The following FRMPD3 variants were observed in gnomAD, a reference collection of about 807,000 sequenced individuals.
The protein encoded by FRMPD3 is FERM and PDZ domain containing 3.
In FRMPD3, 42 loss-of-function variants were observed where a neutral mutation model predicts 97.9. The observed-to-expected ratio is 0.43, with a 90% CI of 0.34 to 0.55. FRMPD3 has a LOEUF of 0.55. FRMPD3 is among the 20% of genes least tolerant of loss of function. The pLI, the probability that FRMPD3 is intolerant of heterozygous loss-of-function variation, is 0.03. For synonymous variants in FRMPD3, 577 were observed against 581.1 expected (o/e 0.99, Z 0.10); for missense variants, 1,303 against 1,457.7 (o/e 0.89, Z 1.73).
chrX:107,569,396 A>G lies in FRMPD3; in HGVS notation c.1296+4330A>G, dbSNP rs772387331. Among the ~76,000 whole-genome samples the G allele has an allele frequency of 6.3e-5, 7 of 110,381 alleles. No homozygotes were observed. The East Asian group carries it at 1.7e-3, about 27-fold the overall frequency. ...TGTTAGGGGAGTACAGGGAAGGACA[A>G]AATTCTGGCTGGGGGTATTAAGGAA... On this transcript the variant is annotated intron_variant, in intron 12 of 14. Coordinates refer to ENST00000683843, the MANE Select transcript of FRMPD3 (RefSeq NM_001388459.1).
rs146243084 is a variant in FRMPD3 at position 107,591,108 on chromosome X, C to G, written c.1442-6213C>G. Among the ~76,000 whole-genome samples, 214 of 110,192 alleles carry G rather than the reference C, an allele frequency of 1.9e-3. 3 individuals carry two copies. Among genetic ancestry groups the G allele is most frequent in the African/African-American group, 6.8e-3 (207 of 30,440 alleles). On this transcript the variant is annotated intron_variant, in intron 13 of 14. Transcript: ENST00000683843. ...GATACTGTCTATTCAGATTTTCTATCTTCTTGAATCAGTTTTGGCAAATTG... is the reference window on the plus strand; with the variant it reads ...GATACTGTCTATTCAGATTTTCTATGTTCTTGAATCAGTTTTGGCAAATTG...
At chrX:107,588,224 G>T (rs1328408564) in intron 13 of FRMPD3, among the ~76,000 whole-genome samples, 1 of 109,526 alleles carries the variant, frequency 9.1e-6, no homozygotes, top group African/African-American at 3.3e-5. Flanking sequence ...CGGAGAATCT[G>T]ATGATTATGT....
chrX:107,533,688 T>C lies in FRMPD3; in HGVS notation c.297+138T>C. The C allele has an allele frequency of 5.6e-6, 3 of 531,307 alleles. No individual in the cohort carries two copies. The South Asian group carries it at 8.9e-5, about 16-fold the overall frequency. The allele number at this position is 531,307 out of a possible 1,213,427, so 43.8% of individuals were successfully genotyped here. ...TGAGCCAAGGATTTAGGAGTGAACT[T>C]AAAGAATACCTTCTGAACAGCATGT... is the stretch of plus-strand genomic sequence containing the variant. On this transcript the variant is annotated intron_variant, in intron 4 of 14. Transcript: ENST00000683843.
rs1360550884 is a variant in FRMPD3 at position 107,480,887 on chromosome X, GGAAGGAAGGAAAGAAAGAAA to G, written c.-8+30886_-8+30905del. On this transcript the variant is annotated intron_variant, in intron 1 of 14. Coordinates refer to ENST00000683843, the MANE Select transcript of FRMPD3 (RefSeq NM_001388459.1). ...AGAAAGAAAGGAAGGAAGGAAGGAA[GGAAGGAAGGAAAGAAAGAAA>G]GAAAGAAAGAAAGAAAGAAAGAAAG... 8.8e-4 allele frequency among the ~76,000 whole-genome samples: 54 copies of G among 61,361 alleles called. 1 individual carries two copies. Among genetic ancestry groups the G allele is most frequent in the East Asian group, 3.9e-3 (7 of 1,773 alleles). 53.3% of individuals were successfully genotyped at this position (61,361 alleles called of 115,157 possible).
intron 1 of FRMPD3, among the ~76,000 whole-genome samples, chrX:107,523,212 G>T (rs991222308): frequency 9.0e-6 from 1 of 111,113 alleles, no homozygotes; most frequent in African/African-American, 3.3e-5. Flanking sequence ...TTGTAAAATG[G>T]CCTTCTGGTC....
intron 1 of FRMPD3, among the ~76,000 whole-genome samples, chrX:107,460,606 G>A (rs145925564): frequency 0.01 from 1,160 of 110,877 alleles, 2 homozygotes; most frequent in Middle Eastern, 0.028. Flanking sequence ...TGCCCAGGCT[G>A]GTCTTGAACT....
At chrX:107,531,848 G>A (rs950427085) in intron 3 of FRMPD3, among the ~76,000 whole-genome samples, 3 of 111,740 alleles carry the variant, frequency 2.7e-5, no homozygotes, top group Non-Finnish European at 5.6e-5. Flanking sequence ...TTGCCCTCTA[G>A]AACAAGGTAT....
rs376134061 is a variant in FRMPD3 at position 107,602,409 on chromosome X, C to T, written c.4370C>T (p.Ala1457Val). 5.8e-6 allele frequency: 7 copies of T among 1,208,519 alleles called. No homozygotes were observed. Among genetic ancestry groups the T allele is most frequent in the Middle Eastern group, 2.3e-4 (1 of 4,371 alleles). Residue 1457 changes from alanine to valine, a missense_variant, in exon 15 of 15, where the codon GCC becomes GTC. This residue lies in a region of FRMPD3 where 764 missense variants were observed against 820.2 expected (regional missense o/e 0.93). Coordinates refer to ENST00000683843, the MANE Select transcript of FRMPD3 (RefSeq NM_001388459.1). Reference sequence around the variant, plus strand: ...GGAGACCCCTCCTACGTCCAGGTTGCCCCAGAGACCAAAGGCCCCAGACAG... The same window carrying T: ...GGAGACCCCTCCTACGTCCAGGTTGTCCCAGAGACCAAAGGCCCCAGACAG... ...TLGDPSYVQV[A>V]PETKGPRQMA...
chrX:107,539,645 T>C (rs1921199677), intron 4 of FRMPD3, among the ~76,000 whole-genome samples: 1 of 111,229 alleles, frequency 9.0e-6, no homozygotes. Flanking sequence ...CTACAGAGCT[T>C]CCTGACGTAT....
At chrX:107,534,710 C>T (rs1206651623) in intron 4 of FRMPD3, among the ~76,000 whole-genome samples, 1 of 111,618 alleles carries the variant, frequency 9.0e-6, no homozygotes, top group Non-Finnish European at 1.9e-5. Context: ...CACACTGACA[C>T]ACACACACAA....
chrX:107,533,847 A>T (rs1189844989), intron 4 of FRMPD3, among the ~76,000 whole-genome samples: 3 of 112,047 alleles, frequency 2.7e-5, no homozygotes, highest in Non-Finnish European at 5.6e-5. Flanking sequence ...TTTTGGCTGT[A>T]CTCCATTAAA....
Position 107,595,797 on chromosome X carries a change from G to A in FRMPD3, c.1442-1524G>A, listed in dbSNP as rs141592426. On this transcript the variant is annotated intron_variant, in intron 13 of 14. Coordinates refer to ENST00000683843, the MANE Select transcript of FRMPD3 (RefSeq NM_001388459.1). ...ACCAAAAACACAAAAAATTAGTCGG[G>A]CGTGGTGGCAGGCGCCTGTAATCCT... is the stretch of plus-strand genomic sequence containing the variant. Among the ~76,000 whole-genome samples, 269 of 109,844 alleles carry A rather than the reference G, an allele frequency of 2.4e-3. 1 individual carries two copies. Among genetic ancestry groups the A allele is most frequent in the African/African-American group, 8.4e-3 (253 of 30,185 alleles).
intron 1 of FRMPD3, among the ~76,000 whole-genome samples, chrX:107,478,375 C>T (rs1217149361): frequency 4.5e-5 from 5 of 111,130 alleles, no homozygotes; most frequent in Non-Finnish European, 9.4e-5. Context: ...GTGACTTTTC[C>T]AAGATAACAC....
intron 1 of FRMPD3, among the ~76,000 whole-genome samples, chrX:107,467,297 G>C (rs1477275998): frequency 9.1e-6 from 1 of 110,205 alleles, no homozygotes; most frequent in East Asian, 2.9e-4. Context: ...GTGAGTGTGA[G>C]TGTGTGTGTG....
At position 107,602,029 on chromosome X, in the gene FRMPD3, T is replaced by TAGCCAGAGGC. The variant is rs753893212; in HGVS notation, c.4001_4010dup (p.Gly1338AlafsTer33). 8.5e-7 allele frequency: 1 copy of TAGCCAGAGGC among 1,179,823 alleles called. No individual in the cohort carries two copies. Among genetic ancestry groups the TAGCCAGAGGC allele is most frequent in the African/African-American group, 1.8e-5 (1 of 56,538 alleles). ...GGAGGGAAAGGGACAGAGTCCTCCC[T>TAGCCAGAGGC]AGCCAGAGGCAGCCAGAGGCTGGCC... On this transcript the variant is annotated frameshift_variant, in exon 15 of 15. Transcript: ENST00000683843. LOFTEE classifies it high-confidence loss of function.
At chrX:107,581,870 A>G (rs1923406556) in intron 13 of FRMPD3, among the ~76,000 whole-genome samples, 1 of 112,256 alleles carries the variant, frequency 8.9e-6, no homozygotes, top group African/African-American at 3.2e-5. Flanking sequence ...ATTCTATTGT[A>G]TGGATATACC....
chrX:107,560,118 G>A (rs1411398905), intron 8 of FRMPD3, 139 bp from the exon 9 acceptor site: 2 of 701,161 alleles, frequency 2.9e-6, no homozygotes, highest in Non-Finnish European at 4.2e-6. Context: ...CTTCTCCAAG[G>A]GGAGCTCCTT....
At chrX:107,563,953 C>T (rs1292893233) in intron 11 of FRMPD3, among the ~76,000 whole-genome samples, 1 of 112,297 alleles carries the variant, frequency 8.9e-6, no homozygotes, top group Non-Finnish European at 1.9e-5. Context: ...ATTCAAATCA[C>T]CTTGCTAATT....
chrX:107,481,018 C>G (rs1199241038), intron 1 of FRMPD3, among the ~76,000 whole-genome samples: 1 of 111,304 alleles, frequency 9.0e-6, no homozygotes, highest in African/African-American at 3.3e-5. Flanking sequence ...TGCCACCCAG[C>G]TTTACTCTCG....
Sources: gnomAD v4.1 joint callset for allele counts (sites outside exome capture counted in the v4.1 genomes callset) on GRCh38, gnomAD v4.1.1 for gene constraint, gnomAD v4.1.1 regional missense constraint, MANE v1.5 for transcripts, NCBI Gene and HGNC (gene_info 2026-07-23, HGNC 2026-07-21) for gene names.